The following DNAH11 variants were observed in gnomAD, a reference collection of about 807,000 sequenced individuals.
The protein encoded by DNAH11 is dynein axonemal heavy chain 11.
Under a neutral mutation model 526.0 loss-of-function variants are expected in DNAH11, and 442 were observed. That is an observed-to-expected ratio of 0.84 (90% CI 0.78 to 0.91). DNAH11 has a LOEUF of 0.91. DNAH11 is among the 40% of genes least tolerant of loss of function. The pLI is 0.00. For synonymous variants in DNAH11, 2,461 were observed against 1,935.9 expected, an observed-to-expected ratio of 1.27 and a Z score of -7.12; for missense variants, 6,989 against 5,448.7, an observed-to-expected ratio of 1.28 and a Z score of -8.90.
intron 46 of DNAH11, among the ~76,000 whole-genome samples, chr7:21,738,439 T>C (rs1785712961): frequency 6.6e-6 from 1 of 152,078 alleles, no homozygotes; most frequent in South Asian, 2.1e-4. Flanking sequence ...GTGATGACAA[T>C]GTGATGTCAT....
intron 2 of DNAH11, among the ~76,000 whole-genome samples, chr7:21,554,362 A>G (rs532349100): frequency 4.5e-4 from 68 of 151,766 alleles, no homozygotes; most frequent in African/African-American, 1.5e-3. Context: ...TTTAGTAGAG[A>G]TGAGGTTTTG....
intron 62 of DNAH11, among the ~76,000 whole-genome samples, chr7:21,804,938 C>G (rs557981555): frequency 3.9e-5 from 6 of 152,318 alleles, no homozygotes; most frequent in South Asian, 2.1e-4. Flanking sequence ...CTGGATACCC[C>G]TCTGTCCTCA....
chr7:21,609,084 C>T (rs1462427052), intron 20 of DNAH11, among the ~76,000 whole-genome samples: 1 of 152,190 alleles, frequency 6.6e-6, no homozygotes, highest in African/African-American at 2.4e-5. Context: ...CAGTGAATCC[C>T]TCCCTTTAAA....
chr7:21,581,025 G>C (rs895213741), intron 8 of DNAH11, among the ~76,000 whole-genome samples: 34 of 152,172 alleles, frequency 2.2e-4, no homozygotes, highest in Non-Finnish European at 4.6e-4. Flanking sequence ...TAAGAGGTGA[G>C]TTAATCATGT....
At chr7:21,635,141 AGTTTGTTTGTTT>A (rs56996600) in intron 25 of DNAH11, among the ~76,000 whole-genome samples, 14,633 of 151,146 alleles carry the variant, frequency 0.097, 760 homozygotes, top group South Asian at 0.17. Flanking sequence ...GGTGGGGGGC[AGTTTGTTTGTTT>A]GTTTGTTTGT....
chr7:21,603,773 T>C (rs1280647707), intron 18 of DNAH11, among the ~76,000 whole-genome samples: 1 of 152,178 alleles, frequency 6.6e-6, no homozygotes, highest in Admixed American at 6.5e-5. Context: ...GATTTAGATA[T>C]TCCTTGAATC....
chr7:21,605,228 A>G (rs941624632), intron 18 of DNAH11, among the ~76,000 whole-genome samples: 2 of 152,198 alleles, frequency 1.3e-5, no homozygotes, highest in African/African-American at 2.4e-5. Context: ...ATATTTACTG[A>G]GGTTTACAAA....
chr7:21,572,443 C>T (rs916008458), intron 8 of DNAH11, among the ~76,000 whole-genome samples: 13 of 152,040 alleles, frequency 8.6e-5, no homozygotes, highest in Non-Finnish European at 1.6e-4. Flanking sequence ...TTCATATTTC[C>T]AACCACAGGA....
chr7:21,862,892 G>A (rs111610279), intron 69 of DNAH11, among the ~76,000 whole-genome samples: 9 of 151,492 alleles, frequency 5.9e-5, no homozygotes, highest in East Asian at 1.9e-4. Context: ...GTGAAACCCC[G>A]GCTCTACTAA....
At chr7:21,819,584 A>G (rs1319427586) in intron 65 of DNAH11, among the ~76,000 whole-genome samples, 1 of 152,196 alleles carries the variant, frequency 6.6e-6, no homozygotes, top group Non-Finnish European at 1.5e-5. Context: ...CTCTATTATG[A>G]AGACTTAAAA....
rs72657373 is a variant in DNAH11, at chr7:21,765,584, A to G, written c.9097A>G (p.Ile3033Val). ...SRRFIEETKGIEPVHKDSISL... is the reference protein window; with the variant it reads ...SRRFIEETKGVEPVHKDSISL... The stretch of plus-strand genomic sequence containing the variant: ...GAGGTTCATTGAGGAAACCAAGGGA[A>G]TTGAGGTATGCCGTGTCAGCCTGCG... The change falls in exon 55 of 82, where the codon ATT becomes GTT. Residue 3033 changes from isoleucine (I) to valine (V), a missense_variant. Ile to Val is a conservative substitution (Grantham distance 29). Coordinates refer to ENST00000409508, the MANE Select transcript of DNAH11 (RefSeq NM_001277115.2). 8,324 of 1,458,502 alleles carry G rather than the reference A, an allele frequency of 5.7e-3. 63 individuals carry two copies. Among genetic ancestry groups the G allele is most frequent in the Admixed American group, 0.029 (1,585 of 54,954 alleles). The allele number at this position is 1,458,502 out of a possible 1,614,324, so 90.3% of individuals were successfully genotyped here.
intron 9 of DNAH11, among the ~76,000 whole-genome samples, chr7:21,584,659 G>A (rs180866192): frequency 7.8e-4 from 118 of 152,242 alleles, no homozygotes; most frequent in Admixed American, 1.9e-3. Context: ...CAGCCGAAAT[G>A]TACAGCCTGT....
chr7:21,716,036 ACT>A (rs1784650139), intron 42 of DNAH11, among the ~76,000 whole-genome samples: 1 of 151,250 alleles, frequency 6.6e-6, no homozygotes, highest in Non-Finnish European at 1.5e-5. Context: ...TGCTGATGTG[ACT>A]CCATGAAACC....
At chr7:21,842,440 C>T in intron 65 of DNAH11, 104 bp from the exon 66 acceptor site, 1 of 967,188 alleles carries the variant, frequency 1.0e-6, no homozygotes, top group Non-Finnish European at 1.5e-6. Flanking sequence ...ATCACCTGAG[C>T]TTCTGGCCAA....
At chr7:21,562,667 T>A (rs1783515375) in intron 5 of DNAH11, among the ~76,000 whole-genome samples, 1 of 152,272 alleles carries the variant, frequency 6.6e-6, no homozygotes, top group East Asian at 1.9e-4. Flanking sequence ...TCACCACACA[T>A]GCTGATCACA....
At chr7:21,615,961 A>G (rs1461167979) in intron 21 of DNAH11, among the ~76,000 whole-genome samples, 1 of 152,204 alleles carries the variant, frequency 6.6e-6, no homozygotes, top group Non-Finnish European at 1.5e-5. Context: ...TAATGATGGT[A>G]TGTGTATGGA....
At chr7:21,638,548 C>T (rs1366405100) in intron 27 of DNAH11, among the ~76,000 whole-genome samples, 3 of 152,088 alleles carry the variant, frequency 2.0e-5, no homozygotes, top group South Asian at 4.1e-4. Flanking sequence ...AGGCTGTAAA[C>T]GAATTACATC....
rs753735167 is a variant in DNAH11, at chr7:21,842,760, T to A, written c.10896+12T>A. On this transcript the variant is annotated intron_variant, in intron 66 of 81. Transcript: ENST00000409508. Reference sequence around the variant, plus strand: ...TGGAGAAACTTAAGGTAAAAATGTTTACGTCACCACCAACACTTAGTCGGC... The same window carrying A: ...TGGAGAAACTTAAGGTAAAAATGTTAACGTCACCACCAACACTTAGTCGGC... The A allele has an allele frequency of 2.6e-5, 41 of 1,593,038 alleles. No individual in the cohort carries two copies. The highest frequency in any genetic ancestry group is 3.4e-5 in the Non-Finnish European group (40 of 1,168,802).
chr7:21,641,300 G>T (rs973010613), intron 28 of DNAH11, among the ~76,000 whole-genome samples: 12 of 152,190 alleles, frequency 7.9e-5, no homozygotes, highest in African/African-American at 2.7e-4. Flanking sequence ...CGGGGGAGAT[G>T]CCATGGCCTC....
Sources: allele counts gnomAD v4.1 joint callset (sites outside exome capture counted in the v4.1 genomes callset), GRCh38; gene constraint gnomAD v4.1.1; transcripts MANE v1.5; gene names NCBI Gene and HGNC (gene_info 2026-07-23, HGNC 2026-07-21).